WASL: variants seen among roughly 807,000 people sequenced by gnomAD.
WASL encodes WASP like actin nucleation promoting factor.
A neutral mutation model predicts 55.5 loss-of-function variants in WASL; 20 were observed. That is an observed-to-expected ratio of 0.36 (90% CI 0.25 to 0.52). WASL has a LOEUF of 0.52. WASL is among the 20% of genes least tolerant of loss of function. The pLI is 0.92. For synonymous variants in WASL, 249 were observed against 217.6 expected (o/e 1.14, Z -1.27); for missense variants, 504 against 622.5 (o/e 0.81, Z 2.03).
rs1037305447 is a variant in WASL at position 123,689,119 on chromosome 7, G to A, written c.1379C>T (p.Thr460Ile). 6.2e-7 allele frequency: 1 copy of A among 1,613,756 alleles called. No individual in the cohort carries two copies. The highest frequency in any genetic ancestry group is 1.3e-5 in the African/African-American group (1 of 74,854). ...VADGQESTPPTPAPTSGIVGA... is the reference protein window; with the variant it reads ...VADGQESTPPIPAPTSGIVGA... Reference sequence around the variant, plus strand: ...CACAATTCCTGAAGTGGGTGCAGGTGTTGGTGGTGTAGACTCTTGGCCATC... The same window carrying A: ...CACAATTCCTGAAGTGGGTGCAGGTATTGGTGGTGTAGACTCTTGGCCATC... The change falls in exon 10 of 11, where the codon ACA becomes ATA. Residue 460 changes from threonine to isoleucine, a missense_variant. Thr to Ile is a moderately conservative substitution (Grantham distance 89). This residue lies in a region of WASL where 53 missense variants were observed against 69.1 expected (regional missense o/e 0.77). Coordinates refer to ENST00000223023, the MANE Select transcript of WASL (RefSeq NM_003941.4).
chr7:123,706,442 T>C (rs1040498667), intron 3 of WASL, 69 bp from the exon 4 acceptor site: 10 of 1,399,294 alleles, frequency 7.1e-6, no homozygotes, highest in Non-Finnish European at 9.9e-6. Flanking sequence ...ATAAAAACAA[T>C]GAGGAAAAGA....
In WASL at chr7:123,748,821, G is replaced by A. The variant is rs867397755; in HGVS notation, c.-87C>T. On this transcript the variant is annotated 5_prime_UTR_variant, in exon 1 of 11. Transcript: ENST00000223023. Reference sequence around the variant, plus strand: ...TTCCCCCTCTCGGTGACAGGGGCGGGGAGAAGTGGAGTCAGAGGCGCCACA... The same window carrying A: ...TTCCCCCTCTCGGTGACAGGGGCGGAGAGAAGTGGAGTCAGAGGCGCCACA... 4.3e-6 allele frequency: 5 copies of A among 1,150,904 alleles called. No homozygotes were observed. Among genetic ancestry groups the A allele is most frequent in the South Asian group, 3.0e-5 (2 of 67,266 alleles). 71.3% of individuals were successfully genotyped at this position (1,150,904 alleles called of 1,614,324 possible). A position where few individuals can be genotyped will look rare whatever the true frequency, so the allele number is the denominator to read the frequency against.
chr7:123,733,260 A>T (rs1804170863), intron 1 of WASL, among the ~76,000 whole-genome samples: 1 of 152,224 alleles, frequency 6.6e-6, no homozygotes, highest in Admixed American at 6.5e-5. Flanking sequence ...ATCCTAAAGA[A>T]TCAAAGAAAC....
chr7:123,688,487 A>C (rs958931760), intron 10 of WASL, among the ~76,000 whole-genome samples: 14 of 152,066 alleles, frequency 9.2e-5, no homozygotes, highest in Non-Finnish European at 1.9e-4. Flanking sequence ...CAGCCTCCCG[A>C]GTAGCTGGAA....
chr7:123,723,380 G>A (rs1803985843), intron 1 of WASL, among the ~76,000 whole-genome samples: 1 of 152,138 alleles, frequency 6.6e-6, no homozygotes, highest in South Asian at 2.1e-4. Context: ...TCTCAGATTG[G>A]AGCTGTAACT....
At chr7:123,715,691 T>A (rs543465826) in intron 1 of WASL, among the ~76,000 whole-genome samples, 1 of 152,168 alleles carries the variant, frequency 6.6e-6, no homozygotes, top group Non-Finnish European at 1.5e-5. Context: ...ACAAAAGCCA[T>A]ATGGAAAGGT....
rs1584870324 is a variant in WASL, at chr7:123,727,384, A to ACACACACACACAC, written c.118-18162_118-18161insGTGTGTGTGTGTG. Among the ~76,000 whole-genome samples, 16 of 83,382 alleles carry ACACACACACACAC rather than the reference A, an allele frequency of 1.9e-4. No individual in the cohort carries two copies. The East Asian group carries it at 4.7e-3, about 24-fold the overall frequency. 54.7% of individuals were successfully genotyped at this position (83,382 alleles called of 152,430 possible). A position where few individuals can be genotyped will look rare whatever the true frequency, so the allele number is the denominator to read the frequency against. Reference sequence around the variant, plus strand: ...ACACACACACACACACACACACACAAACTTATACAAGAACACAGGAGCCTT... The same window carrying ACACACACACACAC: ...ACACACACACACACACACACACACAACACACACACACACACTTATACAAGAACACAGGAGCCTT... On this transcript the variant is annotated intron_variant, in intron 1 of 10. Coordinates refer to ENST00000223023, the MANE Select transcript of WASL (RefSeq NM_003941.4).
intron 5 of WASL, among the ~76,000 whole-genome samples, chr7:123,699,638 C>T (rs1317379948): frequency 1.3e-5 from 2 of 152,074 alleles, no homozygotes; most frequent in African/African-American, 4.8e-5. Flanking sequence ...GAAAAATCAG[C>T]TTCTTATAAC....
chr7:123,734,276 T>C (rs1010768503), intron 1 of WASL, among the ~76,000 whole-genome samples: 9 of 152,058 alleles, frequency 5.9e-5, no homozygotes, highest in Admixed American at 5.9e-4. Flanking sequence ...TAAGGAACTC[T>C]TAAAGCTCAT....
chr7:123,743,624 C>T (rs991834560), intron 1 of WASL, among the ~76,000 whole-genome samples: 1 of 152,110 alleles, frequency 6.6e-6, no homozygotes, highest in Admixed American at 6.5e-5. Flanking sequence ...TCCTCCCTGC[C>T]AGTAACAGGA....
intron 1 of WASL, among the ~76,000 whole-genome samples, chr7:123,731,478 G>A (rs935346382): frequency 3.9e-5 from 6 of 152,216 alleles, no homozygotes; most frequent in African/African-American, 1.4e-4. Flanking sequence ...TTTATAGAAT[G>A]CAGCATCTAA....
intron 7 of WASL, among the ~76,000 whole-genome samples, chr7:123,695,612 G>C (rs1165317281): frequency 1.3e-5 from 2 of 151,954 alleles, no homozygotes; most frequent in African/African-American, 2.4e-5. Context: ...ATAAAGCCAA[G>C]GTACACAAAA....
chr7:123,748,859 T>C lies in WASL; in HGVS notation c.-125A>G. 2.6e-6 allele frequency: 2 copies of C among 756,670 alleles called. No homozygotes were observed. The highest frequency in any genetic ancestry group is 4.0e-6 in the Non-Finnish European group (2 of 494,498). The allele number at this position is 756,670 out of a possible 1,614,324, so 46.9% of individuals were successfully genotyped here. A position where few individuals can be genotyped will look rare whatever the true frequency, so the allele number is the denominator to read the frequency against. ...CAGAGGCGCCACATCTCGCAGCTCC[T>C]CCGGAGCGGGGAGGAGGACGAGGTC... On this transcript the variant is annotated 5_prime_UTR_variant, in exon 1 of 11. Coordinates refer to ENST00000223023, the MANE Select transcript of WASL (RefSeq NM_003941.4).
At chr7:123,720,421 G>A in intron 1 of WASL, 1 of 426,164 alleles carries the variant, frequency 2.3e-6, no homozygotes, top group East Asian at 7.0e-5. Context: ...TAAAAGGCAA[G>A]ATGTAAAAGT....
intron 1 of WASL, among the ~76,000 whole-genome samples, chr7:123,743,478 C>A (rs1275807838): frequency 2.0e-5 from 3 of 152,120 alleles, no homozygotes; most frequent in Non-Finnish European, 4.4e-5. Flanking sequence ...TCAGGCTGCC[C>A]AGACACTCCC....
intron 9 of WASL, among the ~76,000 whole-genome samples, chr7:123,690,493 T>C (rs892884203): frequency 7.1e-5 from 8 of 112,476 alleles, no homozygotes; most frequent in South Asian, 3.6e-4. Context: ...ATGTATAACA[T>C]GCCAATAGTT....
chr7:123,747,275 T>C (rs1804448858), intron 1 of WASL, among the ~76,000 whole-genome samples: 1 of 152,172 alleles, frequency 6.6e-6, no homozygotes, highest in African/African-American at 2.4e-5. Flanking sequence ...GAAAAAAGTG[T>C]GTGTGAATGG....
chr7:123,698,168 T>C (rs1202977714), intron 5 of WASL, among the ~76,000 whole-genome samples: 1 of 152,078 alleles, frequency 6.6e-6, no homozygotes. Context: ...ATATATTAAG[T>C]CCTGTAAGTC....
chr7:123,687,456 T>A (rs577667603), intron 10 of WASL, among the ~76,000 whole-genome samples: 1 of 152,288 alleles, frequency 6.6e-6, no homozygotes, highest in Admixed American at 6.5e-5. Flanking sequence ...CCTCACAGAC[T>A]TTATATTTTC....
Sources: allele counts gnomAD v4.1 joint callset (sites outside exome capture counted in the v4.1 genomes callset), GRCh38; gene constraint gnomAD v4.1.1; regional missense constraint gnomAD v4.1.1; transcripts MANE v1.5; gene names NCBI Gene and HGNC (gene_info 2026-07-23, HGNC 2026-07-21).